SLC39A11: variants seen among roughly 807,000 people sequenced by gnomAD.
SLC39A11 encodes the protein zinc transporter ZIP11.
Under a neutral mutation model 36.1 loss-of-function variants are expected in SLC39A11, and 33 were observed. The observed-to-expected ratio is 0.91, with a 90% CI of 0.69 to 1.22. The LOEUF (loss-of-function observed/expected upper bound fraction) is 1.22, where lower values mean the gene tolerates loss of function less well. Among genes scored for constraint, SLC39A11 ranks in the 50% most tolerant of loss-of-function variants. The pLI, the probability that SLC39A11 is intolerant of heterozygous loss-of-function variation, is 0.00. For synonymous variants in SLC39A11, 166 were observed against 170.3 expected (o/e 0.97, Z 0.20); for missense variants, 432 against 430.3 (o/e 1.00, Z -0.03).
At chr17:72,785,633 C>T (rs1419994443) in intron 6 of SLC39A11, among the ~76,000 whole-genome samples, 4 of 152,030 alleles carry the variant, frequency 2.6e-5, no homozygotes, top group Admixed American at 6.5e-5. Flanking sequence ...TCAGAGAGGA[C>T]GTAGGAAGGG....
intron 6 of SLC39A11, among the ~76,000 whole-genome samples, chr17:72,739,938 T>C (rs1405124837): frequency 6.6e-6 from 1 of 152,124 alleles, no homozygotes; most frequent in African/African-American, 2.4e-5. Flanking sequence ...ATAAAGTCAA[T>C]TGACACATAT....
chr17:72,741,977 G>A (rs2074726288), intron 6 of SLC39A11, among the ~76,000 whole-genome samples: 2 of 152,130 alleles, frequency 1.3e-5, no homozygotes, highest in Non-Finnish European at 2.9e-5. Flanking sequence ...CGAGGTAGGT[G>A]AATTGCTTGA....
chr17:73,012,137 G>A (rs1418652120), intron 4 of SLC39A11, among the ~76,000 whole-genome samples: 10 of 151,850 alleles, frequency 6.6e-5, no homozygotes, highest in African/African-American at 9.7e-5. Flanking sequence ...CTAGCCGGGC[G>A]TGGTGGCAGG....
chr17:72,716,735 G>A (rs953312670), intron 7 of SLC39A11, among the ~76,000 whole-genome samples: 4 of 151,996 alleles, frequency 2.6e-5, no homozygotes, highest in Non-Finnish European at 5.9e-5. Context: ...TTGGGAAATC[G>A]AGGTGGGCGG....
At chr17:72,987,534 A>G (rs2088849113) in intron 4 of SLC39A11, among the ~76,000 whole-genome samples, 1 of 152,154 alleles carries the variant, frequency 6.6e-6, no homozygotes, top group Non-Finnish European at 1.5e-5. Flanking sequence ...GTACCCTGAC[A>G]CTCCCATGGC....
At chr17:72,737,195 G>A (rs1475241894) in intron 6 of SLC39A11, among the ~76,000 whole-genome samples, 1 of 151,918 alleles carries the variant, frequency 6.6e-6, no homozygotes, top group African/African-American at 2.4e-5. Flanking sequence ...AGAATCACTT[G>A]AACACAGGAG....
At chr17:72,896,472 G>A (rs1038366654) in intron 5 of SLC39A11, among the ~76,000 whole-genome samples, 1 of 151,836 alleles carries the variant, frequency 6.6e-6, no homozygotes, top group Non-Finnish European at 1.5e-5. Flanking sequence ...AAAGTGCTGG[G>A]ATTACAGGCA....
rs145641139 is a variant in SLC39A11 at position 73,087,848 on chromosome 17, A to T, written c.108+809T>A. Among the ~76,000 whole-genome samples the T allele has an allele frequency of 3.4e-3, 516 of 152,188 alleles. 5 individuals carry two copies. The highest frequency in any genetic ancestry group is 0.012 in the African/African-American group (493 of 41,516). ...TATATTCATCCCAAGGGGAAAGGAA[A>T]CAACCTGGAGATGGGTTGAAAAAAA... On this transcript the variant is annotated intron_variant, in intron 2 of 9. Coordinates refer to ENST00000255559, the MANE Select transcript of SLC39A11 (RefSeq NM_139177.4).
At chr17:72,993,307 G>C (rs8080174) in intron 4 of SLC39A11, among the ~76,000 whole-genome samples, 115,379 of 152,182 alleles carry the variant, frequency 0.76, 44,177 homozygotes, top group Middle Eastern at 0.88. Flanking sequence ...AAATGGGAGC[G>C]TTTTATGTAA....
At chr17:72,649,385 G>T in intron 7 of SLC39A11, 117 bp from the exon 8 acceptor site, 1 of 772,448 alleles carries the variant, frequency 1.3e-6, no homozygotes, top group Non-Finnish European at 2.1e-6. Flanking sequence ...GGAGACCTGT[G>T]ACCTGCAGTA....
chr17:73,067,986 T>A, intron 3 of SLC39A11: 1 of 1,594,210 alleles, frequency 6.3e-7, no homozygotes, highest in Admixed American at 1.7e-5. Context: ...TTCACATAAA[T>A]AAACAACTGT....
chr17:73,079,238 G>C (rs2060435168), intron 3 of SLC39A11, among the ~76,000 whole-genome samples: 1 of 152,030 alleles, frequency 6.6e-6, no homozygotes, highest in South Asian at 2.1e-4. Flanking sequence ...GCTGGGATTA[G>C]AGGCATGTGA....
rs1245296370 is a variant in SLC39A11 at position 73,031,655 on chromosome 17, G to A, written c.207C>T (p.Ser69=). The part of the protein sequence containing the change: ...LLAPAVEMAT[S]SGGFGAFAFF... ...AGGCAAAGGCACCGAAGCCCCCAGA[G>A]GACGTGGCCATCTCAACTGCTGGGG... The change falls in exon 4 of 10, where the codon TCC becomes TCT. Residue 69 remains serine, a synonymous_variant. Coordinates refer to ENST00000255559, the MANE Select transcript of SLC39A11 (RefSeq NM_139177.4). 2 of 1,614,170 alleles carry A rather than the reference G, an allele frequency of 1.2e-6. No individual in the cohort carries two copies. Among genetic ancestry groups the A allele is most frequent in the South Asian group, 1.1e-5 (1 of 91,074 alleles).
At chr17:73,062,355 A>G (rs1054940631) in intron 3 of SLC39A11, among the ~76,000 whole-genome samples, 5 of 150,208 alleles carry the variant, frequency 3.3e-5, no homozygotes, top group African/African-American at 1.2e-4. Flanking sequence ...GCTACTTGGG[A>G]GGCAGAGGTA....
rs574111411 is a variant in SLC39A11 at position 73,074,502 on chromosome 17, T to A, written c.147+10306A>T. Among the ~76,000 whole-genome samples, 30 of 152,246 alleles carry A rather than the reference T, an allele frequency of 2.0e-4. No individual in the cohort carries two copies. The South Asian group carries it at 6.2e-3, about 32-fold the overall frequency. ...TTAGTAGAGACAGGGTTTCACCATG[T>A]TGGCCAGGCTGGTCTCGAACTCCTG... On this transcript the variant is annotated intron_variant, in intron 3 of 9. Transcript: ENST00000255559.
chr17:72,798,564 C>G (rs759045030), intron 6 of SLC39A11, among the ~76,000 whole-genome samples: 1 of 151,962 alleles, frequency 6.6e-6, no homozygotes, highest in Non-Finnish European at 1.5e-5. Context: ...CAGGCACCCA[C>G]CACCATGCAG....
intron 5 of SLC39A11, among the ~76,000 whole-genome samples, chr17:72,855,681 G>A (rs929659424): frequency 4.6e-5 from 7 of 152,186 alleles, no homozygotes; most frequent in Admixed American, 1.3e-4. Flanking sequence ...CAGATCACAA[G>A]GTCAGAAGAT....
At chr17:72,847,380 C>G (rs143543572) in intron 6 of SLC39A11, among the ~76,000 whole-genome samples, 1 of 144,646 alleles carries the variant, frequency 6.9e-6, no homozygotes, top group African/African-American at 2.6e-5. Flanking sequence ...CCAGCCTGGG[C>G]GACAGAGCGA....
rs112353250 is a variant in SLC39A11 at position 72,733,632 on chromosome 17, G to A, written c.671+3018C>T. On this transcript the variant is annotated intron_variant, in intron 7 of 9. Transcript: ENST00000255559. The stretch of plus-strand genomic sequence containing the variant: ...GCCTCATGCGGCCTTATTCAATGCT[G>A]AGGACCACATGATTTCACCAATGGC... 7.6e-3 allele frequency among the ~76,000 whole-genome samples: 1,160 copies of A among 152,316 alleles called. 13 individuals are homozygous for A. Among genetic ancestry groups the A allele is most frequent in the African/African-American group, 0.026 (1,091 of 41,586 alleles).
Sources: allele counts gnomAD v4.1 joint callset (sites outside exome capture counted in the v4.1 genomes callset), GRCh38; gene constraint gnomAD v4.1.1; transcripts MANE v1.5; gene names NCBI Gene and HGNC (gene_info 2026-07-23, HGNC 2026-07-21).